CERT1: variants seen among roughly 807,000 people sequenced by gnomAD.
The protein encoded by CERT1 is ceramide transfer protein.
CERT1 carries 31 observed loss-of-function variants against 87.9 expected under a neutral mutation model. The observed-to-expected ratio is 0.35, with a 90% CI of 0.27 to 0.48. CERT1 has a LOEUF of 0.48. Ranked by LOEUF, CERT1 falls within the 20% of genes least tolerant of loss-of-function variation. CERT1 has a pLI of 0.99. For synonymous variants in CERT1, 289 were observed against 250.9 expected, an observed-to-expected ratio of 1.15 and a Z score of -1.44; for missense variants, 487 against 758.0, an observed-to-expected ratio of 0.64 and a Z score of 4.20.
intron 2 of CERT1, among the ~76,000 whole-genome samples, chr5:75,466,385 C>T (rs77626389): frequency 6.6e-6 from 1 of 152,206 alleles, no homozygotes; most frequent in African/African-American, 2.4e-5. Context: ...GTACCAGCTA[C>T]GCATGCGCCA....
chr5:75,395,147 T>C (rs1401844427), intron 11 of CERT1, among the ~76,000 whole-genome samples: 1 of 152,220 alleles, frequency 6.6e-6, no homozygotes, highest in Non-Finnish European at 1.5e-5. Flanking sequence ...TCACTGTACA[T>C]CCTTTGATTT....
At chr5:75,394,114 C>CA (rs1175450482) in intron 11 of CERT1, among the ~76,000 whole-genome samples, 1 of 152,130 alleles carries the variant, frequency 6.6e-6, no homozygotes, top group Non-Finnish European at 1.5e-5. Context: ...ACCGTATTGA[C>CA]AAAAGTTAAC....
intron 2 of CERT1, among the ~76,000 whole-genome samples, chr5:75,497,050 A>C (rs1767102775): frequency 1.3e-5 from 2 of 152,232 alleles, no homozygotes; most frequent in South Asian, 2.1e-4. Context: ...CAAAGAAAAA[A>C]AGACTATCAA....
intron 2 of CERT1, among the ~76,000 whole-genome samples, chr5:75,499,525 T>C (rs1767245176): frequency 6.6e-6 from 1 of 152,200 alleles, no homozygotes; most frequent in Non-Finnish European, 1.5e-5. Flanking sequence ...GTAAGTTTCC[T>C]GAGGCCTCCC....
intron 2 of CERT1, among the ~76,000 whole-genome samples, chr5:75,464,878 C>T (rs903688809): frequency 1.3e-5 from 2 of 152,192 alleles, no homozygotes; most frequent in Middle Eastern, 3.4e-3. Flanking sequence ...GCAAGTGGCC[C>T]GGAGTTTTAT....
chr5:75,453,689 A>G (rs1433442960), intron 3 of CERT1, among the ~76,000 whole-genome samples: 1 of 152,192 alleles, frequency 6.6e-6, no homozygotes, highest in Non-Finnish European at 1.5e-5. Flanking sequence ...AAATGAGATA[A>G]TATATATAAA....
At chr5:75,454,259 C>T (rs1764880007) in intron 3 of CERT1, among the ~76,000 whole-genome samples, 1 of 152,140 alleles carries the variant, frequency 6.6e-6, no homozygotes, top group African/African-American at 2.4e-5. Flanking sequence ...CTTACCAAGG[C>T]CACTTAGCTA....
chr5:75,382,837 A>C (rs1006772411), intron 14 of CERT1, among the ~76,000 whole-genome samples: 2 of 152,062 alleles, frequency 1.3e-5, no homozygotes, highest in African/African-American at 4.8e-5. Flanking sequence ...AATTTCATGT[A>C]GTTGATAAAT....
Position 75,417,766 on chromosome 5 carries a change from T to C in CERT1, c.680-733A>G, listed in dbSNP as rs370310600. 6.7e-4 allele frequency among the ~76,000 whole-genome samples: 102 copies of C among 152,350 alleles called. 1 individual carries two copies. The South Asian group carries it at 0.02, about 30-fold the overall frequency. On this transcript the variant is annotated intron_variant, in intron 6 of 16. Transcript: ENST00000643780. ...GCTCTTGAAAACACTGTTAAGAGGA[T>C]AAAGAGATAAGCCACAAACTGGGAG... is the stretch of plus-strand genomic sequence containing the variant.
chr5:75,473,038 G>T (rs1370501799), intron 2 of CERT1, among the ~76,000 whole-genome samples: 1 of 152,136 alleles, frequency 6.6e-6, no homozygotes, highest in East Asian at 1.9e-4. Context: ...AATGGATAAA[G>T]AAAATATAGT....
At chr5:75,457,553 G>GA (rs1765036891) in intron 3 of CERT1, among the ~76,000 whole-genome samples, 2 of 151,704 alleles carry the variant, frequency 1.3e-5, no homozygotes, top group South Asian at 2.1e-4. Context: ...CTAAGACTTA[G>GA]AAAATGTTTT....
At chr5:75,454,924 T>C (rs1285584286) in intron 3 of CERT1, among the ~76,000 whole-genome samples, 1 of 152,200 alleles carries the variant, frequency 6.6e-6, no homozygotes, top group East Asian at 1.9e-4. Flanking sequence ...AAGTGGATTT[T>C]ATACAGCAAC....
rs1427224900 is a variant in CERT1, at chr5:75,483,803, C to A, written c.231+22179G>T. On this transcript the variant is annotated intron_variant, in intron 2 of 16. Transcript: ENST00000643780. ...AAACAAAAGCTGAGGGACTTCAACA[C>A]TAGACCTGTCTTGTAAGAGCTGCTA... Among the ~76,000 whole-genome samples the A allele has an allele frequency of 7.9e-5, 12 of 151,998 alleles. No individual in the cohort carries two copies. The East Asian group carries it at 9.7e-4, about 12-fold the overall frequency.
intron 9 of CERT1, chr5:75,401,909 A>C (rs952311624): frequency 1.3e-5 from 2 of 152,226 alleles, no homozygotes; most frequent in African/African-American, 4.8e-5. Context: ...CTGTAGCCAC[A>C]GTTTATTAAT....
chr5:75,389,735 A>G, intron 11 of CERT1, 48 bp from the exon 12 acceptor site: 1 of 1,419,848 alleles, frequency 7.0e-7, no homozygotes, highest in Non-Finnish European at 1.0e-6. Flanking sequence ...GTATGTCATA[A>G]TCTCTAAAAC....
intron 12 of CERT1, among the ~76,000 whole-genome samples, chr5:75,388,608 A>ATC (rs1181677387): frequency 3.9e-5 from 2 of 51,626 alleles, no homozygotes; most frequent in African/African-American, 3.2e-4. Flanking sequence ...GCATATATAT[A>ATC]TATATATATA....
chr5:75,465,257 G>C (rs1233639484), intron 2 of CERT1, among the ~76,000 whole-genome samples: 1 of 152,164 alleles, frequency 6.6e-6, no homozygotes, highest in Non-Finnish European at 1.5e-5. Flanking sequence ...TAGAGTTACA[G>C]ACACTTAGCA....
chr5:75,428,407 G>A (rs1031332331), intron 3 of CERT1, among the ~76,000 whole-genome samples: 6 of 152,098 alleles, frequency 3.9e-5, no homozygotes, highest in Non-Finnish European at 5.9e-5. Flanking sequence ...GGCCGGGTGC[G>A]GTGGCTCACG....
At chr5:75,426,262 A>G in intron 4 of CERT1, 109 bp downstream of exon 4, 1 of 617,974 alleles carries the variant, frequency 1.6e-6, no homozygotes, top group South Asian at 2.8e-5. Flanking sequence ...CAAATAAATT[A>G]TACTATAAAA....
Sources: gnomAD v4.1 joint callset for allele counts (sites outside exome capture counted in the v4.1 genomes callset) on GRCh38, gnomAD v4.1.1 for gene constraint, MANE v1.5 for transcripts, NCBI Gene and HGNC (gene_info 2026-07-23, HGNC 2026-07-21) for gene names.